LMBR1: variants seen among roughly 807,000 people sequenced by gnomAD.
LMBR1 encodes the protein limb region 1 protein homolog.
Under a neutral mutation model 73.9 loss-of-function variants are expected in LMBR1, and 52 were observed. The ratio of observed to expected loss-of-function variants is 0.70; its 90% CI spans 0.56 to 0.89. LMBR1 has a LOEUF of 0.89. LMBR1 is among the 40% of genes least tolerant of loss of function. The probability of loss-of-function intolerance (pLI) is 0.00; values close to 1 mark genes in which losing one functional copy is unlikely to be tolerated. For synonymous variants in LMBR1, 215 were observed against 209.4 expected, an observed-to-expected ratio of 1.03 and a Z score of -0.23; for missense variants, 539 against 579.8, an observed-to-expected ratio of 0.93 and a Z score of 0.72.
In LMBR1 at chr7:156,683,327, G is replaced by A. The variant is rs925304493; in HGVS notation, c.*751C>T. 3.3e-5 allele frequency: 5 copies of A among 152,508 alleles called. No individual in the cohort carries two copies. Among genetic ancestry groups the A allele is most frequent in the African/African-American group, 1.2e-4 (5 of 41,436 alleles). 9.4% of individuals were successfully genotyped at this position (152,508 alleles called of 1,614,324 possible). On this transcript the variant is annotated 3_prime_UTR_variant, in exon 17 of 17. Transcript: ENST00000353442. The stretch of plus-strand genomic sequence containing the variant: ...AAACACTGGCAACTATGTTATCAGA[G>A]GGAATACTGAATTATATATATACAT...
intron 1 of LMBR1, among the ~76,000 whole-genome samples, chr7:156,842,829 T>C (rs1203630356): frequency 6.6e-6 from 1 of 152,158 alleles, no homozygotes; most frequent in Non-Finnish European, 1.5e-5. Context: ...GCCAGATTCC[T>C]AGATGCTGAG....
chr7:156,773,467 C>A (rs10253350), intron 5 of LMBR1, among the ~76,000 whole-genome samples: 20,182 of 152,070 alleles, frequency 0.13, 1,434 homozygotes, highest in East Asian at 0.19. Flanking sequence ...AGTAACCAAA[C>A]GAGCATGGTA....
At chr7:156,694,635 C>T (rs575771349) in intron 15 of LMBR1, among the ~76,000 whole-genome samples, 2 of 152,262 alleles carry the variant, frequency 1.3e-5, no homozygotes, top group South Asian at 4.1e-4. Flanking sequence ...GTAAAATTAT[C>T]TACATATGCA....
intron 1 of LMBR1, among the ~76,000 whole-genome samples, chr7:156,883,657 T>C (rs906890319): frequency 4.6e-5 from 7 of 152,116 alleles, no homozygotes; most frequent in Non-Finnish European, 4.4e-5. Flanking sequence ...GTGAGCAAGG[T>C]TGCTTCCTTC....
chr7:156,863,468 G>A (rs1394815151), intron 1 of LMBR1, among the ~76,000 whole-genome samples: 1 of 151,884 alleles, frequency 6.6e-6, no homozygotes, highest in Non-Finnish European at 1.5e-5. Context: ...CTTTGGCAAC[G>A]CCCTCACAGA....
Position 156,879,980 on chromosome 7 carries a change from T to C in LMBR1, c.66+12948A>G, listed in dbSNP as rs1800822376. Among the ~76,000 whole-genome samples the C allele has an allele frequency of 3.3e-5, 5 of 152,222 alleles. No individual in the cohort carries two copies. In the South Asian group the frequency reaches 1.0e-3, roughly 32 times the overall value. The stretch of plus-strand genomic sequence containing the variant: ...AACTAAAAGTAGAACTATCATTTGA[T>C]CCAGCAATACCACTACTGGGTATCT... On this transcript the variant is annotated intron_variant, in intron 1 of 16. Coordinates refer to ENST00000353442, the MANE Select transcript of LMBR1 (RefSeq NM_022458.4).
At chr7:156,838,265 T>C (rs1318885086) in intron 1 of LMBR1, among the ~76,000 whole-genome samples, 1 of 152,220 alleles carries the variant, frequency 6.6e-6, no homozygotes, top group Non-Finnish European at 1.5e-5. Context: ...ATTTTCAAAA[T>C]ATAATACATT....
intron 1 of LMBR1, among the ~76,000 whole-genome samples, chr7:156,840,602 AT>A (rs1212078507): frequency 6.6e-6 from 1 of 151,980 alleles, no homozygotes; most frequent in Admixed American, 6.6e-5. Flanking sequence ...CCACTGTAGG[AT>A]TCTGAGTAGA....
intron 5 of LMBR1, among the ~76,000 whole-genome samples, chr7:156,768,056 CT>C (rs1407840472): frequency 6.6e-6 from 1 of 152,080 alleles, no homozygotes; most frequent in Non-Finnish European, 1.5e-5. Flanking sequence ...GTACATAGCG[CT>C]TCATTGTTAT....
intron 1 of LMBR1, among the ~76,000 whole-genome samples, chr7:156,873,925 G>C (rs1799736402): frequency 6.6e-6 from 1 of 152,226 alleles, no homozygotes; most frequent in Non-Finnish European, 1.5e-5. Context: ...CCAGACTCAG[G>C]AGCCCAGCTG....
chr7:156,761,832 C>T (rs1823056826), intron 8 of LMBR1, among the ~76,000 whole-genome samples: 1 of 151,906 alleles, frequency 6.6e-6, no homozygotes, highest in African/African-American at 2.4e-5. Context: ...AAAAAATTAG[C>T]CGGGCAAGGT....
chr7:156,884,319 A>C (rs181003735), intron 1 of LMBR1, among the ~76,000 whole-genome samples: 32 of 152,190 alleles, frequency 2.1e-4, no homozygotes, highest in African/African-American at 7.5e-4. Flanking sequence ...ATTTCAGAGA[A>C]CATCAATATC....
intron 1 of LMBR1, among the ~76,000 whole-genome samples, chr7:156,854,496 TAAACA>T (rs1796676228): frequency 7.9e-5 from 12 of 152,142 alleles, no homozygotes; most frequent in Non-Finnish European, 1.5e-4. Context: ...AAGGAAAACG[TAAACA>T]TTCTGAAATA....
At chr7:156,834,545 G>A in intron 2 of LMBR1, 1 of 318,288 alleles carries the variant, frequency 3.1e-6, no homozygotes, top group South Asian at 2.4e-5. Context: ...CGAGGCTACA[G>A]TCAGCCATGA....
chr7:156,868,462 T>G (rs560586376), intron 1 of LMBR1, among the ~76,000 whole-genome samples: 1 of 151,714 alleles, frequency 6.6e-6, no homozygotes, highest in Non-Finnish European at 1.5e-5. Context: ...GATCACAAGG[T>G]CAGGAGTTCA....
rs531408515 is a variant in LMBR1 at position 156,878,977 on chromosome 7, T to C, written c.66+13951A>G. Among the ~76,000 whole-genome samples, 4 of 152,298 alleles carry C rather than the reference T, an allele frequency of 2.6e-5. No homozygotes were observed. In the East Asian group the frequency reaches 7.7e-4, roughly 29 times the overall value. Reference sequence around the variant, plus strand: ...ACGACACCAACAAATAGTGCTGAGATACTTGGCAAGCCACATGTAGGAGAA... The same window carrying C: ...ACGACACCAACAAATAGTGCTGAGACACTTGGCAAGCCACATGTAGGAGAA... On this transcript the variant is annotated intron_variant, in intron 1 of 16. Coordinates refer to ENST00000353442, the MANE Select transcript of LMBR1 (RefSeq NM_022458.4).
chr7:156,773,982 A>T (rs1825675354), intron 5 of LMBR1, among the ~76,000 whole-genome samples: 1 of 151,870 alleles, frequency 6.6e-6, no homozygotes, highest in East Asian at 2.0e-4. Flanking sequence ...CAAAGGTCTA[A>T]TGTCCAGAAT....
chr7:156,892,796 G>T, intron 1 of LMBR1, 132 bp downstream of exon 1: 1 of 441,862 alleles, frequency 2.3e-6, no homozygotes, highest in Non-Finnish European at 3.7e-6. Context: ...GAGGGAGAGC[G>T]GCAGAGGCCG....
chr7:156,794,517 A>G (rs1189351901), intron 5 of LMBR1, among the ~76,000 whole-genome samples: 1 of 152,102 alleles, frequency 6.6e-6, no homozygotes, highest in African/African-American at 2.4e-5. Flanking sequence ...TCCCTTTCCT[A>G]GTTGGTTAAT....
Sources: gnomAD v4.1 joint callset for allele counts (sites outside exome capture counted in the v4.1 genomes callset) on GRCh38, gnomAD v4.1.1 for gene constraint, MANE v1.5 for transcripts, NCBI Gene and HGNC (gene_info 2026-07-23, HGNC 2026-07-21) for gene names.